The following NBPF3 variants were observed in gnomAD, a reference collection of about 807,000 sequenced individuals.
NBPF3 encodes NBPF member 3, also known as NBPF family member NBPF3.
Under a neutral mutation model 78.1 loss-of-function variants are expected in NBPF3, and 57 were observed. That is an observed-to-expected ratio of 0.73 (90% CI 0.59 to 0.91). The LOEUF (loss-of-function observed/expected upper bound fraction) is 0.91. Ranked by LOEUF, NBPF3 falls within the 40% of genes least tolerant of loss-of-function variation. The probability of loss-of-function intolerance (pLI) is 0.00; values close to 1 mark genes in which losing one functional copy is unlikely to be tolerated. For missense variants in NBPF3, 510 were observed against 715.3 expected (o/e 0.71, Z 3.27); for synonymous variants, 182 against 271.7 (o/e 0.67, Z 3.25).
chr1:21,470,019 T>TTC (rs1642497496), intron 3 of NBPF3, among the ~76,000 whole-genome samples: 12 of 69,068 alleles, frequency 1.7e-4, no homozygotes, highest in Middle Eastern at 0.01. Flanking sequence ...TGGCACAGAG[T>TTC]TAACACTCTG....
chr1:21,470,669 G>A lies in NBPF3; in HGVS notation c.381G>A (p.Leu127=). The change falls in exon 4 of 15, where the codon CTG becomes CTA. Residue 127 remains leucine (L), a synonymous_variant. Transcript: ENST00000318249. ...EDCKDLIKSM[L]RDERLLTEEK... is the part of the protein sequence containing the mutation. The stretch of plus-strand genomic sequence containing the variant: ...GCAAAGACCTCATAAAATCTATGCT[G>A]AGGGATGAGCGGCTGCTCACAGAAG... 2 of 1,601,230 alleles carry A rather than the reference G, an allele frequency of 1.2e-6. No individual in the cohort carries two copies. Among genetic ancestry groups the A allele is most frequent in the Non-Finnish European group, 1.7e-6 (2 of 1,171,656 alleles).
intron 2 of NBPF3, among the ~76,000 whole-genome samples, chr1:21,457,434 A>G (rs1251558426): frequency 6.6e-6 from 1 of 151,544 alleles, no homozygotes; most frequent in Admixed American, 6.6e-5. Context: ...GTGTTTATAT[A>G]TGTCTAATAA....
At chr1:21,441,517 G>A (rs115382505) in intron 1 of NBPF3, among the ~76,000 whole-genome samples, 2,134 of 151,990 alleles carry the variant, frequency 0.014, 57 homozygotes, top group African/African-American at 0.048. Flanking sequence ...CACTAGCCTC[G>A]GCAATGTGGC....
chr1:21,473,784 C>T (rs1324524205), intron 7 of NBPF3, among the ~76,000 whole-genome samples, 199 bp downstream of exon 7: 2 of 152,190 alleles, frequency 1.3e-5, no homozygotes, highest in Non-Finnish European at 2.9e-5. Context: ...TTACTGGACC[C>T]CAGACAAGTG....
At chr1:21,449,288 G>A (rs1429618215) in intron 2 of NBPF3, among the ~76,000 whole-genome samples, 1 of 150,706 alleles carries the variant, frequency 6.6e-6, no homozygotes, top group South Asian at 2.1e-4. Flanking sequence ...GAACATAACA[G>A]TAGTCTTGTT....
At chr1:21,478,765 G>C (rs950840504) in intron 9 of NBPF3, among the ~76,000 whole-genome samples, 1 of 152,208 alleles carries the variant, frequency 6.6e-6, no homozygotes, top group Non-Finnish European at 1.5e-5. Flanking sequence ...TGTGACCCAG[G>C]TTTCACTGAA....
In NBPF3 at chr1:21,479,331, G is replaced by C; in HGVS notation, c.1157-18G>C. The C allele has an allele frequency of 6.2e-7, 1 of 1,609,844 alleles. No homozygotes were observed. The highest frequency in any genetic ancestry group is 8.5e-7 in the Non-Finnish European group (1 of 1,177,442). ...AGAACTGCTTCATGTAAGAGGCCCT[G>C]TCTGAATTTATTTGCAGGACATTGG... is the stretch of plus-strand genomic sequence containing the variant. On this transcript the variant is annotated intron_variant, in intron 9 of 14. Coordinates refer to ENST00000318249, the MANE Select transcript of NBPF3 (RefSeq NM_032264.6).
At chr1:21,447,849 C>T (rs1278648715) in intron 2 of NBPF3, among the ~76,000 whole-genome samples, 1 of 152,188 alleles carries the variant, frequency 6.6e-6, no homozygotes, top group African/African-American at 2.4e-5. Context: ...TTTAGCCATT[C>T]TAATACAGTG....
intron 4 of NBPF3, 134 bp downstream of exon 4, chr1:21,470,868 A>T (rs1365953029): frequency 1.8e-6 from 1 of 563,536 alleles, no homozygotes; most frequent in Admixed American, 2.9e-5. Context: ...CTCACGACAC[A>T]CAAAGATTTA....
chr1:21,475,957 C>T (rs6657015), intron 8 of NBPF3, among the ~76,000 whole-genome samples: 110,150 of 151,542 alleles, frequency 0.73, 40,802 homozygotes, highest in South Asian at 0.9. Flanking sequence ...TGGGTGCTCC[C>T]GTATTGGATA....
chr1:21,451,451 A>G (rs1163083056), intron 2 of NBPF3, among the ~76,000 whole-genome samples: 1 of 152,240 alleles, frequency 6.6e-6, no homozygotes, highest in African/African-American at 2.4e-5. Flanking sequence ...ATGTACGAAG[A>G]TGAGAAAGCT....
At chr1:21,474,141 T>C (rs1279415117) in intron 7 of NBPF3, among the ~76,000 whole-genome samples, 2 of 152,156 alleles carry the variant, frequency 1.3e-5, no homozygotes, top group Non-Finnish European at 2.9e-5. Context: ...ATCAATGCAA[T>C]GGCTGATGCA....
At chr1:21,475,080 C>CA in intron 8 of NBPF3, 129 bp downstream of exon 8, 1 of 761,586 alleles carries the variant, frequency 1.3e-6, no homozygotes, top group Non-Finnish European at 2.2e-6. Context: ...TCCTTATTAA[C>CA]AATGTTGTAC....
intron 1 of NBPF3, among the ~76,000 whole-genome samples, chr1:21,441,905 T>C (rs1640675717): frequency 6.6e-6 from 1 of 152,172 alleles, no homozygotes; most frequent in Non-Finnish European, 1.5e-5. Flanking sequence ...ATATTCTGGT[T>C]ACCCCACATC....
At chr1:21,444,077 T>A (rs1446401296) in intron 1 of NBPF3, among the ~76,000 whole-genome samples, 1 of 152,188 alleles carries the variant, frequency 6.6e-6, no homozygotes, top group African/African-American at 2.4e-5. Flanking sequence ...TTTTGTCTCT[T>A]TTATTCACCA....
upstream of NBPF3, among the ~76,000 whole-genome samples, chr1:21,437,158 C>G (rs1640441743): frequency 1.3e-5 from 2 of 151,940 alleles, no homozygotes; most frequent in Admixed American, 6.6e-5. Flanking sequence ...AAAGGTCTAG[C>G]AAGGGAAATC....
At chr1:21,457,915 G>A (rs1043085444) in intron 2 of NBPF3, among the ~76,000 whole-genome samples, 2 of 152,152 alleles carry the variant, frequency 1.3e-5, no homozygotes, top group African/African-American at 4.8e-5. Context: ...CAGGGAAAAG[G>A]CCTGGAAATT....
intron 10 of NBPF3, among the ~76,000 whole-genome samples, chr1:21,479,812 C>CTA (rs1273329681): frequency 2.6e-4 from 8 of 31,156 alleles, no homozygotes; most frequent in East Asian, 1.7e-3. Context: ...CTCTCTCTCT[C>CTA]TCTCTCTCTG....
chr1:21,448,658 G>A (rs1641129666), intron 2 of NBPF3, among the ~76,000 whole-genome samples: 1 of 152,178 alleles, frequency 6.6e-6, no homozygotes, highest in South Asian at 2.1e-4. Flanking sequence ...TTCCCCCTTA[G>A]TCTGGTTTTC....
Sources: gnomAD v4.1 joint callset for allele counts (sites outside exome capture counted in the v4.1 genomes callset) on GRCh38, gnomAD v4.1.1 for gene constraint, MANE v1.5 for transcripts, NCBI Gene and HGNC (gene_info 2026-07-23, HGNC 2026-07-21) for gene names.